NEBL: variants seen among roughly 807,000 people sequenced by gnomAD.
The protein encoded by NEBL is LIM and SH3 protein 2.
A neutral mutation model predicts 140.2 loss-of-function variants in NEBL; 122 were observed. The observed-to-expected ratio is 0.87, with a 90% CI of 0.75 to 1.01. The LOEUF (loss-of-function observed/expected upper bound fraction) is 1.01, where lower values mean the gene tolerates loss of function less well. Among genes scored for constraint, NEBL ranks in the 50% least tolerant of loss-of-function variants. The pLI is 0.00. For synonymous variants in NEBL, 436 were observed against 398.9 expected (o/e 1.09, Z -1.11); for missense variants, 1,365 against 1,231.3 (o/e 1.11, Z -1.62).
intron 1 of NEBL, among the ~76,000 whole-genome samples, chr10:21,282,980 T>A (rs1430858476): frequency 6.6e-6 from 1 of 151,446 alleles, no homozygotes; most frequent in East Asian, 1.9e-4. Context: ...CAAAAAATTT[T>A]AAAAAATTAG....
chr10:21,213,952 T>C (rs991987343), intron 3 of NEBL, among the ~76,000 whole-genome samples: 1 of 152,136 alleles, frequency 6.6e-6, no homozygotes, highest in East Asian at 1.9e-4. Flanking sequence ...TCCTGGACTT[T>C]TATGTAAGTA....
At chr10:20,939,300 A>G (rs1201423895) in intron 4 of NEBL, among the ~76,000 whole-genome samples, 12 of 152,218 alleles carry the variant, frequency 7.9e-5, no homozygotes. Context: ...AAAGAAAAGA[A>G]TTTTCAACCC....
chr10:21,067,545 CT>C (rs931010719), intron 2 of NEBL, among the ~76,000 whole-genome samples: 40 of 152,198 alleles, frequency 2.6e-4, no homozygotes, highest in African/African-American at 7.2e-4. Context: ...ACAAATTAGA[CT>C]TTGAAAAGAA....
intron 3 of NEBL, among the ~76,000 whole-genome samples, chr10:20,984,606 G>C (rs1044453937): frequency 6.6e-6 from 1 of 151,960 alleles, no homozygotes; most frequent in African/African-American, 2.4e-5. Flanking sequence ...TCTTTTTATT[G>C]TGAGATACAG....
At chr10:20,861,703 C>T (rs1053218191) in intron 7 of NEBL, among the ~76,000 whole-genome samples, 3 of 152,132 alleles carry the variant, frequency 2.0e-5, no homozygotes, top group Admixed American at 6.5e-5. Flanking sequence ...ACACACAGAG[C>T]CCATCATACT....
intron 3 of NEBL, among the ~76,000 whole-genome samples, chr10:21,008,567 A>G (rs777928130): frequency 9.9e-5 from 15 of 152,240 alleles, no homozygotes; most frequent in Non-Finnish European, 1.5e-4. Context: ...ATCACTAATG[A>G]TCTGGTAAAT....
chr10:21,060,472 C>G (rs1416835085), intron 2 of NEBL, among the ~76,000 whole-genome samples: 2 of 152,146 alleles, frequency 1.3e-5, no homozygotes, highest in Non-Finnish European at 2.9e-5. Context: ...CCTTATTCTG[C>G]ACAGCTATTA....
chr10:20,914,015 A>C (rs1848434440), intron 4 of NEBL, among the ~76,000 whole-genome samples: 1 of 152,162 alleles, frequency 6.6e-6, no homozygotes, highest in Admixed American at 6.5e-5. Flanking sequence ...CACCAGTGCA[A>C]ACTACACTCA....
chr10:21,078,176 A>G (rs1178337746), intron 2 of NEBL, among the ~76,000 whole-genome samples: 4 of 152,224 alleles, frequency 2.6e-5, no homozygotes, highest in Non-Finnish European at 4.4e-5. Context: ...AATTAGTCCT[A>G]AAATGAACAC....
chr10:20,967,366 G>A (rs571461667), intron 3 of NEBL, among the ~76,000 whole-genome samples: 1 of 152,302 alleles, frequency 6.6e-6, no homozygotes, highest in African/African-American at 2.4e-5. Flanking sequence ...GGTGGCTCAC[G>A]CCTGTGATCC....
At chr10:21,029,308 T>C in intron 2 of NEBL, 2 of 1,610,264 alleles carry the variant, frequency 1.2e-6, no homozygotes, top group Non-Finnish European at 1.7e-6. Context: ...AGGGAACCTA[T>C]CCTATGATGT....
At chr10:20,917,483 G>T (rs572708934) in intron 4 of NEBL, among the ~76,000 whole-genome samples, 1 of 152,148 alleles carries the variant, frequency 6.6e-6, no homozygotes, top group African/African-American at 2.4e-5. Flanking sequence ...CTGTTCAGGG[G>T]ATGTCTATTT....
intron 1 of NEBL, among the ~76,000 whole-genome samples, chr10:21,290,413 T>C (rs1484880984): frequency 1.3e-5 from 2 of 152,186 alleles, no homozygotes; most frequent in African/African-American, 4.8e-5. Flanking sequence ...CCCCTGCCCC[T>C]ACAAGCCAAG....
At chr10:20,973,283 G>C (rs1283051826) in intron 3 of NEBL, among the ~76,000 whole-genome samples, 1 of 139,678 alleles carries the variant, frequency 7.2e-6, no homozygotes, top group African/African-American at 2.7e-5. Flanking sequence ...GTATTGCTTT[G>C]TCACCCAGGA....
At position 21,010,025 on chromosome 10, in the gene NEBL, G is replaced by A. The variant is rs1838274741; in HGVS notation, c.249+10092C>T. On this transcript the variant is annotated intron_variant, in intron 3 of 6. Transcript: ENST00000417816. ...CTATAAATTTGGTTTTGTTGTTTAAGGCCATTACGAGACAGTAGTGTCTAA... is the reference window on the plus strand; with the variant it reads ...CTATAAATTTGGTTTTGTTGTTTAAAGCCATTACGAGACAGTAGTGTCTAA... 2.0e-5 allele frequency among the ~76,000 whole-genome samples: 3 copies of A among 151,992 alleles called. No individual in the cohort carries two copies. In the South Asian group the frequency reaches 6.2e-4, roughly 32 times the overall value.
chr10:20,834,306 T>C (rs1840685375), intron 14 of NEBL, among the ~76,000 whole-genome samples: 1 of 152,164 alleles, frequency 6.6e-6, no homozygotes, highest in African/African-American at 2.4e-5. Context: ...AACAAACTTA[T>C]AACAATGACT....
chr10:20,873,448 T>C lies in NEBL; in HGVS notation c.481-3607A>G, dbSNP rs918025705. On this transcript the variant is annotated intron_variant, in intron 5 of 27. Transcript: ENST00000377122. ...TGTTCCCTACTCTGTCCTCAGATCA[T>C]AGCAGAGAACAAACAAGGAGGAGGA... is the stretch of plus-strand genomic sequence containing the variant. 5.3e-5 allele frequency among the ~76,000 whole-genome samples: 8 copies of C among 150,778 alleles called. No individual in the cohort carries two copies. In the East Asian group the frequency reaches 1.4e-3, roughly 26 times the overall value.
At chr10:21,052,803 C>A (rs1244017833) in intron 2 of NEBL, among the ~76,000 whole-genome samples, 1 of 152,116 alleles carries the variant, frequency 6.6e-6, no homozygotes, top group Non-Finnish European at 1.5e-5. Flanking sequence ...GGAGGGCCAC[C>A]GGTGGTGCAT....
At chr10:20,930,016 C>T (rs939206580) in intron 4 of NEBL, among the ~76,000 whole-genome samples, 2 of 152,168 alleles carry the variant, frequency 1.3e-5, no homozygotes, top group Admixed American at 6.5e-5. Context: ...GATCTCGCCT[C>T]ATTCCAGGGT....
Sources: allele counts gnomAD v4.1 joint callset (sites outside exome capture counted in the v4.1 genomes callset), GRCh38; gene constraint gnomAD v4.1.1; transcripts MANE v1.5; gene names NCBI Gene and HGNC (gene_info 2026-07-23, HGNC 2026-07-21).